SLC13A4: variants seen among roughly 807,000 people sequenced by gnomAD.
The protein encoded by SLC13A4 is solute carrier family 13 member 4.
A neutral mutation model predicts 72.7 loss-of-function variants in SLC13A4; 28 were observed. The observed-to-expected ratio is 0.39, with a 90% CI of 0.29 to 0.53. The LOEUF (loss-of-function observed/expected upper bound fraction) is 0.53. Ranked by LOEUF, SLC13A4 falls within the 20% of genes least tolerant of loss-of-function variation. The pLI is 0.78. For synonymous variants in SLC13A4, 312 were observed against 325.5 expected (o/e 0.96, Z 0.45); for missense variants, 653 against 788.0 (o/e 0.83, Z 2.05).
intron 5 of SLC13A4, chr7:135,703,267 G>A (rs1241182557): frequency 5.1e-6 from 1 of 197,678 alleles, no homozygotes; most frequent in African/African-American, 2.3e-5. Flanking sequence ...ACTTAGCACG[G>A]GGATGCTAAG....
rs551797308 is a variant in SLC13A4, at chr7:135,713,334, G to A, written c.229-5084C>T. Among the ~76,000 whole-genome samples, 3 of 152,226 alleles carry A rather than the reference G, an allele frequency of 2.0e-5. No homozygotes were observed. The South Asian group carries it at 6.2e-4, about 32-fold the overall frequency. Reference sequence around the variant, plus strand: ...AACTTGGAGAGCAGAGGTGTTTCTGGACTGTGTTTTAGGAAAGATGGGCTC... The same window carrying A: ...AACTTGGAGAGCAGAGGTGTTTCTGAACTGTGTTTTAGGAAAGATGGGCTC... On this transcript the variant is annotated intron_variant, in intron 2 of 15. Coordinates refer to ENST00000682651, the MANE Select transcript of SLC13A4 (RefSeq NM_001318192.2).
At chr7:135,690,083 A>T (rs912017636) in intron 13 of SLC13A4, among the ~76,000 whole-genome samples, 1 of 145,126 alleles carries the variant, frequency 6.9e-6, no homozygotes, top group African/African-American at 2.5e-5. Context: ...TGGGAGGCTG[A>T]GGCATGAGAA....
In SLC13A4 at chr7:135,691,663, A is replaced by G; in HGVS notation, c.1224-18T>C. 6.4e-7 allele frequency: 1 copy of G among 1,571,422 alleles called. No homozygotes were observed. Among genetic ancestry groups the G allele is most frequent in the Non-Finnish European group, 8.8e-7 (1 of 1,141,978 alleles). On this transcript the variant is annotated intron_variant, in intron 11 of 15. Coordinates refer to ENST00000682651, the MANE Select transcript of SLC13A4 (RefSeq NM_001318192.2). Reference sequence around the variant, plus strand: ...AGCCTTTCCTAGTAAAGAGACAAGCATAGCTGAGGAGAAGGGTCAGGAATT... The same window carrying G: ...AGCCTTTCCTAGTAAAGAGACAAGCGTAGCTGAGGAGAAGGGTCAGGAATT...
At position 135,691,284 on chromosome 7, in the gene SLC13A4, T is replaced by G; in HGVS notation, c.1363A>C (p.Thr455Pro). 1 of 1,612,780 alleles carries G rather than the reference T, an allele frequency of 6.2e-7. No homozygotes were observed. The highest frequency in any genetic ancestry group is 8.5e-7 in the Non-Finnish European group (1 of 1,179,148). Residue 455 changes from threonine to proline, a missense_variant, in exon 13 of 16, where the codon ACG becomes CCG. By Grantham distance (38) the Thr-to-Pro change is conservative. Transcript: ENST00000682651. ...ATGGTCTTCTGGAAGTCCTTCCACG[T>G]GATGATGGGCTCGGTCCCCAGTGAG... ...EHSLGTEPII[T>P]WKDFQKTMPW...
At chr7:135,699,323 T>G in intron 8 of SLC13A4, 41 bp downstream of exon 8, 14 of 1,548,226 alleles carry the variant, frequency 9.0e-6, no homozygotes, top group Non-Finnish European at 1.2e-5. Flanking sequence ...TGACACACAG[T>G]GGTGGTTAGT....
Position 135,683,487 on chromosome 7 carries a change from C to A in SLC13A4, c.1746+637G>T, listed in dbSNP as rs7805418. Reference sequence around the variant, plus strand: ...CAGTGTTTTCCATCCTCTCCCCCCCCGCTCAGCCCTGGATACTAAGTATAG... The same window carrying A: ...CAGTGTTTTCCATCCTCTCCCCCCCAGCTCAGCCCTGGATACTAAGTATAG... On this transcript the variant is annotated intron_variant, in intron 15 of 15. Coordinates refer to ENST00000682651, the MANE Select transcript of SLC13A4 (RefSeq NM_001318192.2). The A allele has an allele frequency of 4.9e-4, 468 of 949,940 alleles. 3 individuals carry two copies. In the African/African-American group the frequency reaches 5.0e-3, roughly 10 times the overall value. The allele number at this position is 949,940 out of a possible 1,614,324, so 58.8% of individuals were successfully genotyped here.
chr7:135,715,326 A>T lies in SLC13A4; in HGVS notation c.228+6069T>A, dbSNP rs556102068. Among the ~76,000 whole-genome samples, 974 of 110,834 alleles carry T rather than the reference A, an allele frequency of 8.8e-3. 11 individuals are homozygous for T. The highest frequency in any genetic ancestry group is 0.07 in the South Asian group (252 of 3,582). 72.7% of individuals were successfully genotyped at this position (110,834 alleles called of 152,430 possible). On this transcript the variant is annotated intron_variant, in intron 2 of 15. Coordinates refer to ENST00000682651, the MANE Select transcript of SLC13A4 (RefSeq NM_001318192.2). ...ATATCTAAGCATGTGTATGTGTGTG[A>T]GTAAGTGTATGTATATGTGAGCGTG...
intron 5 of SLC13A4, chr7:135,704,975 G>C (rs950806897): frequency 2.0e-5 from 3 of 152,406 alleles, no homozygotes; most frequent in African/African-American, 7.2e-5. Context: ...CATGCCTGTG[G>C]GCCACATTTT....
At chr7:135,700,986 T>TGGTCAA (rs1249312596) in intron 7 of SLC13A4, among the ~76,000 whole-genome samples, 1 of 152,200 alleles carries the variant, frequency 6.6e-6, no homozygotes, top group African/African-American at 2.4e-5. Context: ...TAATTGCATG[T>TGGTCAA]GGTCAAGGAG....
intron 2 of SLC13A4, among the ~76,000 whole-genome samples, chr7:135,715,226 T>G (rs1057509924): frequency 7.2e-6 from 1 of 139,206 alleles, no homozygotes; most frequent in Non-Finnish European, 1.7e-5. Context: ...TGTGTATATG[T>G]GAGTGTATGT....
rs1246068435 is a variant in SLC13A4 at position 135,695,466 on chromosome 7, C to T, written c.921G>A (p.Val307=). The change falls in exon 9 of 16, where the codon GTG becomes GTA. Residue 307 remains valine (V), a synonymous_variant. Coordinates refer to ENST00000682651, the MANE Select transcript of SLC13A4 (RefSeq NM_001318192.2). ...HFNNQYPAAE[V]VNFGTWFLFS... ...AGAGGAACCAGGTGCCAAAGTTCAC[C>T]ACCTCTGCGGCTGGATACTGGCTGG... 4 of 1,613,994 alleles carry T rather than the reference C, an allele frequency of 2.5e-6. No homozygotes were observed. The African/African-American group carries it at 4.0e-5, about 16-fold the overall frequency.
chr7:135,706,139 G>C lies in SLC13A4; in HGVS notation c.527C>G (p.Ala176Gly). 1 of 1,602,504 alleles carries C rather than the reference G, an allele frequency of 6.2e-7. No homozygotes were observed. Among genetic ancestry groups the C allele is most frequent in the Non-Finnish European group, 8.5e-7 (1 of 1,171,324 alleles). Residue 176 changes from alanine to glycine, a missense_variant, in exon 4 of 16, where the codon GCC (alanine) becomes GGC (glycine). Coordinates refer to ENST00000682651, the MANE Select transcript of SLC13A4 (RefSeq NM_001318192.2). Reference sequence around the variant, plus strand: ...CCAGCAAACTGTACTGATGGGTTCGGCCTCTTCGGTGTTGGAGTTGCCCGC... The same window carrying C: ...CCAGCAAACTGTACTGATGGGTTCGCCCTCTTCGGTGTTGGAGTTGCCCGC... ...LVAGNSNTEE[A>G]EPISLDVKNS...
At chr7:135,691,670 A>C (rs375145498) in intron 11 of SLC13A4, 25 bp from the exon 12 acceptor site, 1 of 1,545,398 alleles carries the variant, frequency 6.5e-7, no homozygotes, top group Non-Finnish European at 8.9e-7. Flanking sequence ...AGCATAGCTG[A>C]GGAGAAGGGT....
At position 135,724,530 on chromosome 7, in the gene SLC13A4, G is replaced by GGAGA. The variant is rs10624974; in HGVS notation, c.99+2864_99+2867dup. 1.2e-4 allele frequency among the ~76,000 whole-genome samples: 17 copies of GGAGA among 142,222 alleles called. No individual in the cohort carries two copies. In the East Asian group the frequency reaches 1.9e-3, roughly 16 times the overall value. 93.3% of individuals were successfully genotyped at this position (142,222 alleles called of 152,430 possible). A position where few individuals can be genotyped will look rare whatever the true frequency, so the allele number is the denominator to read the frequency against. ...AAAAAAAAAAAAAAAAAAGAAGAAAGGAGAGAGAGAGAAAGAAAGAGGACT... is the reference window on the plus strand; with the variant it reads ...AAAAAAAAAAAAAAAAAAGAAGAAAGGAGAGAGAGAGAGAGAAAGAAAGAGGACT... On this transcript the variant is annotated intron_variant, in intron 1 of 15. Transcript: ENST00000682651.
chr7:135,727,405 G>A lies in SLC13A4; in HGVS notation c.92C>T (p.Pro31Leu), dbSNP rs1239233000. 6.5e-7 allele frequency: 1 copy of A among 1,549,478 alleles called. No individual in the cohort carries two copies. Among genetic ancestry groups the A allele is most frequent in the South Asian group, 1.2e-5 (1 of 83,974 alleles). Residue 31 changes from proline (P) to leucine (L), a missense_variant, in exon 1 of 16, where the codon CCC (proline) becomes CTC (leucine). By Grantham distance (98) the Pro-to-Leu change is moderately conservative. Coordinates refer to ENST00000682651, the MANE Select transcript of SLC13A4 (RefSeq NM_001318192.2). ...LLLLPLPVLH[P>L]SSEASCAYVL... ...GCGCAGGTCGGTACTCACGCTGCTGGGGTGGAGGACGGGCAGAGGCAGCAG... is the reference window on the plus strand; with the variant it reads ...GCGCAGGTCGGTACTCACGCTGCTGAGGTGGAGGACGGGCAGAGGCAGCAG...
intron 13 of SLC13A4, among the ~76,000 whole-genome samples, chr7:135,686,564 C>A (rs1210548961): frequency 6.6e-6 from 1 of 152,144 alleles, no homozygotes; most frequent in Non-Finnish European, 1.5e-5. Flanking sequence ...GAGACAGAGT[C>A]TTTCCATGTT....
Position 135,723,711 on chromosome 7 carries a change from G to T in SLC13A4, c.100-2188C>A, listed in dbSNP as rs145977523. Among the ~76,000 whole-genome samples, 846 of 152,292 alleles carry T rather than the reference G, an allele frequency of 5.6e-3. 6 individuals carry two copies. The highest frequency in any genetic ancestry group is 0.019 in the African/African-American group (808 of 41,562). On this transcript the variant is annotated intron_variant, in intron 1 of 15. Transcript: ENST00000682651. ...AAGGTCGCTGTATCAGTAAGGGGCA[G>T]CAGGAGTGATTAAATCAGCTGGGCT...
At chr7:135,692,183 C>G in intron 11 of SLC13A4, 140 bp downstream of exon 11, 1 of 709,420 alleles carries the variant, frequency 1.4e-6, no homozygotes, top group Non-Finnish European at 2.5e-6. Context: ...TGATTTCACA[C>G]TGCAGCCTCC....
chr7:135,713,555 A>AT (rs1004463756), intron 2 of SLC13A4, among the ~76,000 whole-genome samples: 10 of 151,182 alleles, frequency 6.6e-5, no homozygotes, highest in African/African-American at 9.7e-5. Flanking sequence ...GTGGGCTCTT[A>AT]TTTTTTTTTA....
Sources: gnomAD v4.1 joint callset for allele counts (sites outside exome capture counted in the v4.1 genomes callset) on GRCh38, gnomAD v4.1.1 for gene constraint, MANE v1.5 for transcripts, NCBI Gene and HGNC (gene_info 2026-07-23, HGNC 2026-07-21) for gene names.